DRC8: variants seen among roughly 807,000 people sequenced by gnomAD.
DRC8 encodes the protein dynein regulatory complex subunit 8, also known as dynein regulatory complex protein 8.
At chr1:245,064,442 A>G in the DRC8 span, among the ~76,000 whole-genome samples, 1 of 152,182 alleles carries the variant, frequency 6.6e-6, no homozygotes, top group Non-Finnish European at 1.5e-5. Context: ...ATGATGGTTG[A>G]CCTCGACATC....
At chr1:245,035,825 C>T in the DRC8 span, among the ~76,000 whole-genome samples, 1 of 150,720 alleles carries the variant, frequency 6.6e-6, no homozygotes, top group South Asian at 2.1e-4. Context: ...CGAGATCACA[C>T]CACTGCACTC....
the DRC8 span, chr1:245,002,291 C>A: frequency 7.1e-7 from 1 of 1,402,854 alleles, no homozygotes; most frequent in Non-Finnish European, 9.9e-7. Context: ...CATCTCTCTG[C>A]CTCCAGCCTT....
the DRC8 span, among the ~76,000 whole-genome samples, chr1:245,116,332 G>A: frequency 6.6e-6 from 1 of 152,128 alleles, no homozygotes; most frequent in Non-Finnish European, 1.5e-5. Flanking sequence ...AGGCTGCAGC[G>A]AGCCTTGACT....
chr1:244,995,639 G>A, the DRC8 span, among the ~76,000 whole-genome samples: 2 of 151,948 alleles, frequency 1.3e-5, no homozygotes, highest in African/African-American at 4.8e-5. Context: ...ATGAGACACC[G>A]AGCCCACCCA....
chr1:244,987,457 A>C, the DRC8 span, among the ~76,000 whole-genome samples: 3 of 151,956 alleles, frequency 2.0e-5, no homozygotes, highest in Non-Finnish European at 4.4e-5. Flanking sequence ...CGCCCACCTC[A>C]GCCTGCCAAA....
the DRC8 span, among the ~76,000 whole-genome samples, chr1:245,056,390 C>T: frequency 4.6e-5 from 7 of 152,046 alleles, no homozygotes; most frequent in Non-Finnish European, 7.4e-5. Context: ...CCGCCTCCTG[C>T]GTTCAAGCGA....
the DRC8 span, among the ~76,000 whole-genome samples, chr1:245,117,063 C>CT: frequency 3.3e-5 from 5 of 152,196 alleles, no homozygotes; most frequent in African/African-American, 9.6e-5. Flanking sequence ...GTTTCCTTCT[C>CT]TTTTTTGTGA....
At chr1:245,080,790 A>G in the DRC8 span, among the ~76,000 whole-genome samples, 1 of 152,172 alleles carries the variant, frequency 6.6e-6, no homozygotes. Flanking sequence ...ACATGCATCT[A>G]TGAGACCGTC....
the DRC8 span, among the ~76,000 whole-genome samples, chr1:245,102,450 A>G: frequency 6.6e-6 from 1 of 152,048 alleles, no homozygotes; most frequent in Non-Finnish European, 1.5e-5. Context: ...CCTAGGTTCA[A>G]GCGATCCTCC....
the DRC8 span, among the ~76,000 whole-genome samples, chr1:245,101,897 G>A: frequency 1.3e-3 from 197 of 152,216 alleles, no homozygotes; most frequent in Middle Eastern, 6.8e-3. Flanking sequence ...AAGCTTCCTG[G>A]ATATATGGCA....
chr1:245,113,452 C>A, the DRC8 span, among the ~76,000 whole-genome samples: 1 of 152,102 alleles, frequency 6.6e-6, no homozygotes, highest in Non-Finnish European at 1.5e-5. Context: ...TTTAGAAGGC[C>A]CGCTGTGTGC....
At chr1:245,010,550 G>A in the DRC8 span, among the ~76,000 whole-genome samples, 1 of 152,170 alleles carries the variant, frequency 6.6e-6, no homozygotes, top group Non-Finnish European at 1.5e-5. Context: ...CCTGTGGGAA[G>A]CTCTGGAATA....
At chr1:245,060,445 A>G in the DRC8 span, among the ~76,000 whole-genome samples, 1 of 152,264 alleles carries the variant, frequency 6.6e-6, no homozygotes, top group African/African-American at 2.4e-5. Flanking sequence ...AAAAAGCAGT[A>G]GCAATTTTTT....
At chr1:245,002,675 C>G in the DRC8 span, among the ~76,000 whole-genome samples, 1 of 151,874 alleles carries the variant, frequency 6.6e-6, no homozygotes, top group East Asian at 1.9e-4. Context: ...CACACCAGCA[C>G]GCCCAGCTAA....
the DRC8 span, among the ~76,000 whole-genome samples, chr1:245,073,876 T>A: frequency 1.2e-4 from 18 of 152,018 alleles, no homozygotes; most frequent in African/African-American, 4.1e-4. Flanking sequence ...TTTTCACTGT[T>A]CCACAAAGAA....
the DRC8 span, among the ~76,000 whole-genome samples, chr1:245,084,754 C>T: frequency 2.0e-5 from 3 of 152,126 alleles, no homozygotes; most frequent in Non-Finnish European, 4.4e-5. Context: ...GAATGAAAAG[C>T]GCAAGTGATT....
At chr1:244,987,285 C>T in the DRC8 span, among the ~76,000 whole-genome samples, 2 of 151,808 alleles carry the variant, frequency 1.3e-5, no homozygotes, top group African/African-American at 4.8e-5. Context: ...ACTACAACCT[C>T]CACCTCCCGG....
At chr1:244,978,728 A>C in the DRC8 span, among the ~76,000 whole-genome samples, 2 of 152,092 alleles carry the variant, frequency 1.3e-5, no homozygotes, top group South Asian at 4.2e-4. Context: ...GGCCTCAGGC[A>C]ATCCTACCAC....
the DRC8 span, among the ~76,000 whole-genome samples, chr1:245,094,837 C>T: frequency 6.6e-6 from 1 of 152,202 alleles, no homozygotes; most frequent in Admixed American, 6.5e-5. Context: ...CCCCTTAATT[C>T]CACAGAAGTT....
Sources: gnomAD v4.1 joint callset for allele counts (sites outside exome capture counted in the v4.1 genomes callset) on GRCh38, gnomAD v4.1.1 for gene constraint, MANE v1.5 for transcripts, NCBI Gene and HGNC (gene_info 2026-07-23, HGNC 2026-07-21) for gene names.